The following RIMBP2 variants were observed in gnomAD, a reference collection of about 807,000 sequenced individuals.
The protein encoded by RIMBP2 is RIMS-binding protein 2.
Under a neutral mutation model 118.6 loss-of-function variants are expected in RIMBP2, and 48 were observed. The ratio of observed to expected loss-of-function variants is 0.40; its 90% CI spans 0.32 to 0.51. The LOEUF (loss-of-function observed/expected upper bound fraction) is 0.51. Ranked by LOEUF, RIMBP2 falls within the 20% of genes least tolerant of loss-of-function variation. The pLI is 0.41. For synonymous variants in RIMBP2, 762 were observed against 742.9 expected (o/e 1.03, Z -0.42); for missense variants, 1,551 against 1,768.3 (o/e 0.88, Z 2.20).
intron 1 of RIMBP2, among the ~76,000 whole-genome samples, chr12:130,645,989 C>A (rs528728422): frequency 4.6e-5 from 7 of 152,180 alleles, no homozygotes; most frequent in African/African-American, 1.7e-4. Flanking sequence ...ACCCAGGGAA[C>A]AACACTTTGC....
chr12:130,584,044 T>A (rs919159505), intron 2 of RIMBP2, among the ~76,000 whole-genome samples: 3 of 132,606 alleles, frequency 2.3e-5, no homozygotes, highest in African/African-American at 8.5e-5. Flanking sequence ...CCATCACCAT[T>A]ACATCATCAT....
intron 1 of RIMBP2, among the ~76,000 whole-genome samples, chr12:130,702,547 A>AAGGAAGGAAGGAAG (rs2065904638): frequency 7.0e-6 from 1 of 141,856 alleles, no homozygotes. Flanking sequence ...AAAACAAGAA[A>AAGGAAGGAAGGAAG]GAAGGAAGGA....
chr12:130,695,052 AT>A (rs1171379052), intron 1 of RIMBP2, among the ~76,000 whole-genome samples: 1 of 152,194 alleles, frequency 6.6e-6, no homozygotes, highest in Non-Finnish European at 1.5e-5. Flanking sequence ...TGAACACAAT[AT>A]CTGCCCTTCC....
chr12:130,634,130 G>A (rs988043689), intron 1 of RIMBP2, among the ~76,000 whole-genome samples: 3 of 152,204 alleles, frequency 2.0e-5, no homozygotes, highest in African/African-American at 7.2e-5. Context: ...TGTGTCACAA[G>A]ACACCACCTT....
chr12:130,687,345 A>G (rs2065100315), intron 1 of RIMBP2, among the ~76,000 whole-genome samples: 1 of 152,196 alleles, frequency 6.6e-6, no homozygotes, highest in Non-Finnish European at 1.5e-5. Flanking sequence ...TTGCATAACT[A>G]TTTCAGAGAT....
intron 1 of RIMBP2, among the ~76,000 whole-genome samples, chr12:130,713,606 C>T (rs942466067): frequency 4.6e-5 from 7 of 152,214 alleles, no homozygotes; most frequent in African/African-American, 9.6e-5. Context: ...CCAGCACAGC[C>T]GATCCGGTTC....
chr12:130,707,771 C>T lies in RIMBP2; in HGVS notation c.-352+8451G>A, dbSNP rs914910182. Among the ~76,000 whole-genome samples the T allele has an allele frequency of 8.6e-5, 13 of 152,036 alleles. No homozygotes were observed. The South Asian group carries it at 1.3e-3, about 15-fold the overall frequency. The stretch of plus-strand genomic sequence containing the variant: ...ACCAGGGGTCTCTGGCCAAGGGGAC[C>T]GAGGCGGCCCGAGCAAGAAGAGCTC... On this transcript the variant is annotated intron_variant, in intron 1 of 22. Coordinates refer to ENST00000690449, the MANE Select transcript of RIMBP2 (RefSeq NM_001393629.1).
At chr12:130,436,817 A>T in intron 13 of RIMBP2, 25 bp downstream of exon 13, 1 of 1,372,588 alleles carries the variant, frequency 7.3e-7, no homozygotes, top group East Asian at 2.9e-5. Context: ...CTGAGGAGCC[A>T]CCGAGGCGGG....
At chr12:130,667,527 G>A (rs2064006613) in intron 1 of RIMBP2, 1 of 152,328 alleles carries the variant, frequency 6.6e-6, no homozygotes, top group Non-Finnish European at 1.5e-5. Context: ...AGGCGCTGTG[G>A]GTTTGGGGAA....
chr12:130,479,072 C>A (rs778021386), intron 4 of RIMBP2, 56 bp from the exon 5 acceptor site: 168 of 1,412,582 alleles, frequency 1.2e-4, no homozygotes, highest in Non-Finnish European at 1.6e-4. Flanking sequence ...CATGGGCGTG[C>A]ATCCTATACC....
chr12:130,516,515 G>C (rs1458315610), intron 3 of RIMBP2, among the ~76,000 whole-genome samples: 1 of 152,190 alleles, frequency 6.6e-6, no homozygotes, highest in African/African-American at 2.4e-5. Flanking sequence ...CATGAAAACA[G>C]GTGTTGTCAC....
intron 8 of RIMBP2, among the ~76,000 whole-genome samples, 179 bp downstream of exon 8, chr12:130,451,016 G>GC (rs143011169): frequency 1.4e-3 from 206 of 152,266 alleles, no homozygotes; most frequent in South Asian, 5.4e-3. Flanking sequence ...TCACAGAGGG[G>GC]CCCCCCCACA....
At chr12:130,538,340 C>CCT (rs1555284813) in intron 2 of RIMBP2, among the ~76,000 whole-genome samples, 1 of 151,704 alleles carries the variant, frequency 6.6e-6, no homozygotes, top group South Asian at 2.1e-4. Flanking sequence ...TGCATTTCCA[C>CCT]AGTCACAATT....
chr12:130,538,487 TC>T (rs1215940630), intron 2 of RIMBP2, among the ~76,000 whole-genome samples: 2 of 151,834 alleles, frequency 1.3e-5, no homozygotes, highest in Non-Finnish European at 2.9e-5. Context: ...CACTCAACAC[TC>T]CTCCAGCACC....
intron 2 of RIMBP2, among the ~76,000 whole-genome samples, chr12:130,549,183 T>C (rs927582268): frequency 2.0e-4 from 30 of 152,182 alleles, no homozygotes; most frequent in African/African-American, 7.2e-4. Context: ...GGATATTTCA[T>C]CATTTTCTCC....
At chr12:130,546,733 C>T (rs1240915652) in intron 2 of RIMBP2, among the ~76,000 whole-genome samples, 5 of 152,176 alleles carry the variant, frequency 3.3e-5, no homozygotes, top group Non-Finnish European at 2.9e-5. Flanking sequence ...CACCAGGCTG[C>T]GCGTGGATGT....
intron 1 of RIMBP2, among the ~76,000 whole-genome samples, chr12:130,694,268 A>T (rs575726648): frequency 3.0e-4 from 45 of 152,340 alleles, no homozygotes; most frequent in Non-Finnish European, 2.9e-4. Flanking sequence ...GGAACGAGCC[A>T]TAAACCTTGA....
intron 2 of RIMBP2, among the ~76,000 whole-genome samples, chr12:130,611,788 G>T (rs1228273040): frequency 6.6e-6 from 1 of 152,150 alleles, no homozygotes; most frequent in Non-Finnish European, 1.5e-5. Context: ...GCAGGACACG[G>T]AACCCATGTC....
At chr12:130,540,998 G>C (rs1348685386) in intron 2 of RIMBP2, among the ~76,000 whole-genome samples, 1 of 152,148 alleles carries the variant, frequency 6.6e-6, no homozygotes, top group African/African-American at 2.4e-5. Flanking sequence ...GAGAGGCTTG[G>C]AGGGCTACCA....
Sources: allele counts gnomAD v4.1 joint callset (sites outside exome capture counted in the v4.1 genomes callset), GRCh38; gene constraint gnomAD v4.1.1; transcripts MANE v1.5; gene names NCBI Gene and HGNC (gene_info 2026-07-23, HGNC 2026-07-21).